NOC2L: variants seen among roughly 807,000 people sequenced by gnomAD.
The protein encoded by NOC2L is NOC2 like nucleolar associated transcriptional repressor, also known as nucleolar complex protein 2 homolog.
In NOC2L, 101 loss-of-function variants were observed where a neutral mutation model predicts 94.2. The observed-to-expected ratio is 1.07, with a 90% CI of 0.91 to 1.26. The LOEUF is 1.26. NOC2L is among the 50% of genes most tolerant of loss of function. NOC2L has a pLI of 0.00. For synonymous variants in NOC2L, 531 were observed against 413.4 expected (o/e 1.28, Z -3.45); for missense variants, 1,076 against 980.1 (o/e 1.10, Z -1.31).
chr1:944,913 G>A (rs1458577028), intron 18 of NOC2L, 113 bp from the exon 19 acceptor site: 10 of 1,407,700 alleles, frequency 7.1e-6, no homozygotes, highest in Admixed American at 2.0e-5. Flanking sequence ...CCTGTTGCTG[G>A]CTGCCAGAGA....
At chr1:948,305 G>A in intron 13 of NOC2L, 73 bp from the exon 14 acceptor site, 11 of 1,297,360 alleles carry the variant, frequency 8.5e-6, no homozygotes, top group Non-Finnish European at 9.8e-6. Flanking sequence ...CTTCCCCTCA[G>A]GCTGTCAGGG....
Position 953,211 on chromosome 1 carries a change from C to A in NOC2L, c.966G>T (p.Arg322=). The stretch of plus-strand genomic sequence containing the variant: ...GGCCAAGGAAAGTGTCCTTCTTGTG[C>A]CGGCAGACTCTGCTGAGGACCAGGA... The part of the protein sequence containing the change: ...LAFLVLSRVC[R]HKKDTFLGPV... The change falls in exon 9 of 19, where the codon CGG becomes CGT. Residue 322 remains arginine (R), a synonymous_variant. Coordinates refer to ENST00000327044, the MANE Select transcript of NOC2L (RefSeq NM_015658.4). 2 of 1,613,430 alleles carry A rather than the reference C, an allele frequency of 1.2e-6. No homozygotes were observed. Among genetic ancestry groups the A allele is most frequent in the Non-Finnish European group, 1.7e-6 (2 of 1,179,702 alleles).
At position 953,193 on chromosome 1, in the gene NOC2L, G is replaced by GA. The variant is rs1441474843; in HGVS notation, c.983dup (p.Leu329ProfsTer269). 3.1e-6 allele frequency: 5 copies of GA among 1,612,588 alleles called. No homozygotes were observed. The highest frequency in any genetic ancestry group is 4.2e-6 in the Non-Finnish European group (5 of 1,179,086). ...CCACTACCTTGAGGACGGGGCCAAG[G>GA]AAAGTGTCCTTCTTGTGCCGGCAGA... On this transcript the variant is annotated frameshift_variant, in exon 9 of 19. Coordinates refer to ENST00000327044, the MANE Select transcript of NOC2L (RefSeq NM_015658.4). LOFTEE classifies it high-confidence loss of function.
intron 14 of NOC2L, 89 bp from the exon 15 acceptor site, chr1:946,634 C>T (rs1642126323): frequency 2.0e-6 from 3 of 1,484,110 alleles, no homozygotes; most frequent in Admixed American, 3.6e-5. Flanking sequence ...CGCGTGGTGG[C>T]CACGGGGATA....
intron 7 of NOC2L, 34 bp downstream of exon 7, chr1:953,970 C>G: frequency 6.2e-7 from 1 of 1,603,556 alleles, no homozygotes; most frequent in South Asian, 1.1e-5. Flanking sequence ...CCAGATACAG[C>G]CAGGCCCCCG....
Position 948,514 on chromosome 1 carries a change from G to A in NOC2L, c.1533C>T (p.Val511=). The part of the protein sequence containing the change: ...NFSVILKLSN[V]NLQEKAYRDG... Reference sequence around the variant, plus strand: ...CCCGGTACGCCTTCTCCTGCAGGTTGACATTGGACAGCTTCAGGATCACGG... The same window carrying A: ...CCCGGTACGCCTTCTCCTGCAGGTTAACATTGGACAGCTTCAGGATCACGG... The change falls in exon 13 of 19, where the codon GTC becomes GTT. Residue 511 remains valine, a synonymous_variant. Coordinates refer to ENST00000327044, the MANE Select transcript of NOC2L (RefSeq NM_015658.4). 2.5e-6 allele frequency: 4 copies of A among 1,613,326 alleles called. No homozygotes were observed. The highest frequency in any genetic ancestry group is 2.2e-5 in the East Asian group (1 of 44,882).
intron 6 of NOC2L, among the ~76,000 whole-genome samples, chr1:955,575 G>C (rs914176445): frequency 6.6e-6 from 1 of 152,214 alleles, no homozygotes; most frequent in Non-Finnish European, 1.5e-5. Context: ...ATAGTGCAGA[G>C]ATCAAGGAGT....
chr1:951,179 A>G lies in NOC2L; in HGVS notation c.1391T>C (p.Leu464Pro), dbSNP rs996955024. ...LRMHCIRALT[L>P]LSGSSGAFIP... ...GAAGGCCCCCGAGCTCCCCGAGAGC[A>G]GCGTCAGGGCACGGATGCAGTGCAT... Residue 464 changes from leucine to proline, a missense_variant, in exon 12 of 19, where the codon CTG becomes CCG. This residue lies in a region of NOC2L where 615 missense variants were observed against 577.4 expected (regional missense o/e 1.07). Coordinates refer to ENST00000327044, the MANE Select transcript of NOC2L (RefSeq NM_015658.4). 2.1e-5 allele frequency: 34 copies of G among 1,597,694 alleles called. No homozygotes were observed. Among genetic ancestry groups the G allele is most frequent in the Non-Finnish European group, 2.6e-5 (31 of 1,172,442 alleles).
rs1029861345 is a variant in NOC2L at position 953,112 on chromosome 1, T to C, written c.1002+63A>G. On this transcript the variant is annotated intron_variant, in intron 9 of 18. Coordinates refer to ENST00000327044, the MANE Select transcript of NOC2L (RefSeq NM_015658.4). ...CACCAACCACAAAGGCAGCCCGCCC[T>C]GCCCTTAGGCCGAGATTTCCAATGC... 11 of 1,251,848 alleles carry C rather than the reference T, an allele frequency of 8.8e-6. No individual in the cohort carries two copies. In the African/African-American group the frequency reaches 1.2e-4, roughly 13 times the overall value. The allele number at this position is 1,251,848 out of a possible 1,614,324, so 77.5% of individuals were successfully genotyped here.
chr1:957,022 C>T lies in NOC2L; in HGVS notation c.358G>A (p.Ala120Thr), dbSNP rs752965906. ...TCCGCTCCATCCTCCTCCTCACTGG[C>T]TTCCTGCACAGAAAGGCTGAGCTGA... ...FHSLPDVLEE[A>T]SEEEDGAEEG... Residue 120 changes from alanine to threonine, a missense_variant, in exon 4 of 19, where the codon GCC becomes ACC. Transcript: ENST00000327044. 4 of 1,614,112 alleles carry T rather than the reference C, an allele frequency of 2.5e-6. No individual in the cohort carries two copies. Among genetic ancestry groups the T allele is most frequent in the Admixed American group, 1.7e-5 (1 of 60,036 alleles).
chr1:947,825 C>A (rs1569937369), intron 14 of NOC2L, among the ~76,000 whole-genome samples: 1 of 152,372 alleles, frequency 6.6e-6, no homozygotes, highest in African/African-American at 2.4e-5. Context: ...CAGCCTGAGC[C>A]AGGGTCGGCA....
rs758439566 is a variant in NOC2L at position 954,022 on chromosome 1, G to A, written c.759C>T (p.Tyr253=). Residue 253 remains tyrosine, a synonymous_variant, in exon 7 of 19, where the codon TAC becomes TAT. Coordinates refer to ENST00000327044, the MANE Select transcript of NOC2L (RefSeq NM_015658.4). ...WGKLRVDIKA[Y]LGSAIQLVSC... ...ATAGCACCTGTATGGCCGAGCCCAG[G>A]TAAGCCTTGATGTCCACACGAAGCT... The A allele has an allele frequency of 1.2e-5, 19 of 1,606,820 alleles. No individual in the cohort carries two copies. The highest frequency in any genetic ancestry group is 2.2e-5 in the South Asian group (2 of 90,584).
intron 12 of NOC2L, among the ~76,000 whole-genome samples, chr1:950,291 G>A (rs953935927): frequency 9.9e-5 from 15 of 151,846 alleles, no homozygotes; most frequent in Non-Finnish European, 2.1e-4. Flanking sequence ...GCACATAGGT[G>A]CACACAGGTA....
chr1:950,570 C>T (rs1396175825), intron 12 of NOC2L, among the ~76,000 whole-genome samples: 1 of 152,182 alleles, frequency 6.6e-6, no homozygotes, highest in Non-Finnish European at 1.5e-5. Context: ...CACAGGTGTA[C>T]ACACGCACAG....
chr1:957,503 C>T (rs1290839300), intron 2 of NOC2L: 1 of 554,088 alleles, frequency 1.8e-6, no homozygotes, highest in East Asian at 3.1e-5. Flanking sequence ...CTTGCTGTGC[C>T]TGCGCCCTGC....
At position 951,187 on chromosome 1, in the gene NOC2L, G is replaced by A; in HGVS notation, c.1383C>T (p.Ala461=). ...CCGAGCTCCCCGAGAGCAGCGTCAG[G>A]GCACGGATGCAGTGCATTCGCAGCG... ...FYPLRMHCIR[A]LTLLSGSSGA... The change falls in exon 12 of 19, where the codon GCC becomes GCT. Residue 461 remains alanine (A), a synonymous_variant. Coordinates refer to ENST00000327044, the MANE Select transcript of NOC2L (RefSeq NM_015658.4). 1.9e-6 allele frequency: 3 copies of A among 1,597,690 alleles called. No individual in the cohort carries two copies. Among genetic ancestry groups the A allele is most frequent in the Non-Finnish European group, 2.6e-6 (3 of 1,172,446 alleles).
chr1:948,582 T>TG lies in NOC2L; in HGVS notation c.1464dup (p.Asn489GlnfsTer109). On this transcript the variant is annotated frameshift_variant, in exon 13 of 19. Transcript: ENST00000327044. LOFTEE classifies it high-confidence loss of function. ...GAGCTCATGCGCCCTGGCTTCCTGT[T>TG]GAAGTCGACCTGCTGGAACATCTGC... The TG allele has an allele frequency of 6.2e-7, 1 of 1,600,814 alleles. No individual in the cohort carries two copies. Among genetic ancestry groups the TG allele is most frequent in the South Asian group, 1.1e-5 (1 of 90,462 alleles).
intron 11 of NOC2L, among the ~76,000 whole-genome samples, chr1:951,625 G>A (rs543053084): frequency 1.1e-4 from 16 of 152,264 alleles, no homozygotes; most frequent in South Asian, 2.1e-4. Flanking sequence ...AGCCCCTACC[G>A]TGCCTGGACC....
At chr1:955,142 C>T (rs1443436752) in intron 6 of NOC2L, among the ~76,000 whole-genome samples, 1 of 152,254 alleles carries the variant, frequency 6.6e-6, no homozygotes, top group Non-Finnish European at 1.5e-5. Context: ...CCAATCGCTG[C>T]CTGTCCCTCC....
Sources: gnomAD v4.1 joint callset for allele counts (sites outside exome capture counted in the v4.1 genomes callset) on GRCh38, gnomAD v4.1.1 for gene constraint, gnomAD v4.1.1 regional missense constraint, MANE v1.5 for transcripts, NCBI Gene and HGNC (gene_info 2026-07-23, HGNC 2026-07-21) for gene names.